Variants in CAMSAP1 observed in about 807,000 individuals in gnomAD.
CAMSAP1 encodes the protein calmodulin-regulated spectrin-associated protein 1.
A neutral mutation model predicts 143.5 loss-of-function variants in CAMSAP1; 58 were observed. The observed-to-expected ratio is 0.40, with a 90% confidence interval of 0.33 to 0.50. The LOEUF is 0.50. Among genes scored for constraint, CAMSAP1 ranks in the 20% least tolerant of loss-of-function variants. The pLI is 0.45. For synonymous variants in CAMSAP1, 945 were observed against 859.3 expected (o/e 1.10, Z -1.74); for missense variants, 1,969 against 2,115.7 (o/e 0.93, Z 1.36).
intron 7 of CAMSAP1, among the ~76,000 whole-genome samples, chr9:135,838,595 T>C (rs1204381829): frequency 7.5e-5 from 11 of 147,650 alleles, no homozygotes; most frequent in African/African-American, 2.3e-4. Context: ...ATCACGCACT[T>C]TCTACCCGTT....
intron 14 of CAMSAP1, among the ~76,000 whole-genome samples, chr9:135,817,151 G>C (rs36056648): frequency 2.0e-5 from 3 of 152,190 alleles, no homozygotes; most frequent in African/African-American, 7.2e-5. Context: ...AGACTACAGG[G>C]ACATGGCATT....
chr9:135,816,795 T>C (rs1835243795), intron 14 of CAMSAP1, among the ~76,000 whole-genome samples: 1 of 152,112 alleles, frequency 6.6e-6, no homozygotes, highest in Admixed American at 6.5e-5. Flanking sequence ...AGGGAAGCCC[T>C]TGCTCCCACG....
Position 135,822,192 on chromosome 9 carries a change from C to T in CAMSAP1, c.2469G>A (p.Gln823=), listed in dbSNP as rs375734345. 5 of 1,613,846 alleles carry T rather than the reference C, an allele frequency of 3.1e-6. No homozygotes were observed. Among genetic ancestry groups the T allele is most frequent in the Non-Finnish European group, 3.4e-6 (4 of 1,179,916 alleles). ...ACTTGGTCTCACAGCTGTTGAGTCT[C>T]TGGAGCTTCCTCTCCGCAAAGCTGG... is the stretch of plus-strand genomic sequence containing the variant. ...KMTSFAERKL[Q]RLNSCETKSS... is the part of the protein sequence containing the mutation. Residue 823 remains glutamine (Q), a synonymous_variant, in exon 11 of 17, where the codon CAG becomes CAA. Transcript: ENST00000389532. The surrounding 1 kb of genome is among the most constrained non-coding windows in gnomAD (Gnocchi z 6.1).
chr9:135,854,611 C>A (rs1483645420), intron 5 of CAMSAP1, among the ~76,000 whole-genome samples: 1 of 152,024 alleles, frequency 6.6e-6, no homozygotes. Flanking sequence ...TACAGGTGCA[C>A]ATCACCAGGC....
rs35820753 is a variant in CAMSAP1, at chr9:135,861,309, CTT to C, written c.808+1156_808+1157del. On this transcript the variant is annotated intron_variant, in intron 5 of 16. Coordinates refer to ENST00000389532, the MANE Select transcript of CAMSAP1 (RefSeq NM_015447.4). Reference sequence around the variant, plus strand: ...GGTACCTGAGGCTCTCTCCTTCTTCCTTTTTTTTTTTTTTTCCCCCCGAGACA... The same window carrying C: ...GGTACCTGAGGCTCTCTCCTTCTTCCTTTTTTTTTTTTTCCCCCCGAGACA... 1.9e-3 allele frequency among the ~76,000 whole-genome samples: 274 copies of C among 144,410 alleles called. 1 individual carries two copies. The highest frequency in any genetic ancestry group is 4.4e-3 in the African/African-American group (173 of 39,268). The allele number at this position is 144,410 out of a possible 152,430, so 94.7% of individuals were successfully genotyped here.
intron 11 of CAMSAP1, 47 bp from the exon 12 acceptor site, chr9:135,819,193 G>A (rs1314882541): frequency 4.5e-6 from 7 of 1,556,146 alleles, no homozygotes; most frequent in African/African-American, 4.1e-5. Flanking sequence ...CCCCTCAGAC[G>A]CCGGACACGG....
At chr9:135,877,435 T>C (rs1489896918) in intron 3 of CAMSAP1, among the ~76,000 whole-genome samples, 2 of 147,154 alleles carry the variant, frequency 1.4e-5, no homozygotes, top group African/African-American at 5.1e-5. Context: ...TGACTGCTTA[T>C]CAAAACTCAA....
rs1835499766 is a variant in CAMSAP1, at chr9:135,822,273, C to A, written c.2388G>T (p.Leu796=). Residue 796 remains leucine, a synonymous_variant, in exon 11 of 17, where the codon CTG becomes CTT. Transcript: ENST00000389532. The surrounding 1 kb of genome is among the most constrained non-coding windows in gnomAD (Gnocchi z 6.1). Reference sequence around the variant, plus strand: ...CACTGCTCATCTGAGAGGCTGTGCTCAGGCAGGGGCTCGAGCGGCCGCTGG... The same window carrying A: ...CACTGCTCATCTGAGAGGCTGTGCTAAGGCAGGGGCTCGAGCGGCCGCTGG... ...DDASGRSSPC[L]STASQMSSVS... 1.2e-6 allele frequency: 2 copies of A among 1,614,010 alleles called. No homozygotes were observed. Among genetic ancestry groups the A allele is most frequent in the East Asian group, 4.5e-5 (2 of 44,884 alleles).
chr9:135,818,420 A>G lies in CAMSAP1; in HGVS notation c.4156T>C (p.Cys1386Arg), dbSNP rs1564416375. 1.3e-6 allele frequency: 2 copies of G among 1,584,330 alleles called. No homozygotes were observed. The highest frequency in any genetic ancestry group is 1.7e-6 in the Non-Finnish European group (2 of 1,170,946). The stretch of plus-strand genomic sequence containing the variant: ...CGGGGCTGCTTACGGGTGGAGGAGC[A>G]CTTGGTGCCGGAGTCGCTGCACGAC... The part of the protein sequence containing the change: ...EESCSDSGTK[C>R]SSTPDNLSRT... Residue 1386 changes from cysteine to arginine, a missense_variant, in exon 13 of 17, where the codon TGC (cysteine) becomes CGC (arginine). Cys to Arg is a radical substitution (Grantham distance 180, BLOSUM62 -3). Around this residue, in one of 4 missense-constraint regions of CAMSAP1, gnomAD observed 1,390 missense variants for 1,420.8 expected, o/e 0.98. Transcript: ENST00000389532. The surrounding 1 kb of genome is among the most constrained non-coding windows in gnomAD (Gnocchi z 7.7).
intron 5 of CAMSAP1, among the ~76,000 whole-genome samples, chr9:135,853,602 C>T (rs1836852612): frequency 6.6e-6 from 1 of 152,188 alleles, no homozygotes; most frequent in South Asian, 2.1e-4. Context: ...AATAGAAAAG[C>T]CGATGGATTT....
At chr9:135,876,739 T>C (rs575109142) in intron 3 of CAMSAP1, among the ~76,000 whole-genome samples, 2 of 152,360 alleles carry the variant, frequency 1.3e-5, no homozygotes, top group Non-Finnish European at 2.9e-5. Flanking sequence ...CTGGGCACAG[T>C]AGCTGACACC....
At chr9:135,845,930 G>T (rs1836531616) in intron 7 of CAMSAP1, among the ~76,000 whole-genome samples, 1 of 152,156 alleles carries the variant, frequency 6.6e-6, no homozygotes, top group South Asian at 2.1e-4. Context: ...TTGTGAAAAT[G>T]GCCATACTTC....
At chr9:135,823,290 G>A (rs200713492) in intron 10 of CAMSAP1, 30 bp from the exon 11 acceptor site, 38 of 1,525,008 alleles carry the variant, frequency 2.5e-5, no homozygotes, top group East Asian at 4.5e-5. Context: ...CACTGGGTGC[G>A]CTGCGGTATA....
At chr9:135,848,444 A>G (rs1836654847) in intron 7 of CAMSAP1, among the ~76,000 whole-genome samples, 1 of 152,156 alleles carries the variant, frequency 6.6e-6, no homozygotes, top group Admixed American at 6.5e-5. Flanking sequence ...CCAGAAGAGA[A>G]AGTCACGGGT....
intron 4 of CAMSAP1, among the ~76,000 whole-genome samples, chr9:135,866,081 C>T (rs1837370220): frequency 1.3e-5 from 2 of 152,224 alleles, no homozygotes; most frequent in African/African-American, 4.8e-5. Context: ...CTACGCTGTA[C>T]CTCATGAGCC....
chr9:135,850,394 G>T lies in CAMSAP1; in HGVS notation c.876C>A (p.Phe292Leu). ...AACATTTATTAAGATATTCATTGGA[G>T]AATTCTCTCAGAAGCCGAATATTAT... ...SLYNIRLLRE[F>L]SNEYLNKCFY... Residue 292 changes from phenylalanine (F) to leucine (L), a missense_variant, in exon 6 of 17, where the codon TTC becomes TTA. Around this residue, in one of 4 missense-constraint regions of CAMSAP1, gnomAD observed 221 missense variants for 298.2 expected, o/e 0.74. Transcript: ENST00000389532. The T allele has an allele frequency of 6.2e-7, 1 of 1,612,074 alleles. No homozygotes were observed. Among genetic ancestry groups the T allele is most frequent in the Non-Finnish European group, 8.5e-7 (1 of 1,179,284 alleles).
intron 5 of CAMSAP1, among the ~76,000 whole-genome samples, chr9:135,860,597 CAAAAAAAAAA>C (rs35415924): frequency 1.1e-4 from 7 of 62,050 alleles, no homozygotes; most frequent in East Asian, 4.6e-4. Flanking sequence ...GACTCTGCCT[CAAAAAAAAAA>C]AAAAAAAAAA....
Position 135,811,166 on chromosome 9 carries a change from T to C in CAMSAP1, c.*143A>G. ...TTCTTCTGCTGTCTAGAAACCTCTT[T>C]GCAAAAGGTCTGTGACTTTGCACAC... On this transcript the variant is annotated 3_prime_UTR_variant, in exon 17 of 17. Transcript: ENST00000389532. The surrounding 1 kb of genome is among the most constrained non-coding windows in gnomAD (Gnocchi z 4.9). 2 of 961,754 alleles carry C rather than the reference T, an allele frequency of 2.1e-6. No homozygotes were observed. The highest frequency in any genetic ancestry group is 1.5e-6 in the Non-Finnish European group (1 of 654,688). The allele number at this position is 961,754 out of a possible 1,614,324, so 59.6% of individuals were successfully genotyped here.
intron 7 of CAMSAP1, chr9:135,836,827 CCA>C (rs1554791169): frequency 6.1e-6 from 6 of 983,572 alleles, no homozygotes; most frequent in Non-Finnish European, 7.2e-6. Context: ...AGACATGTCA[CCA>C]CACACTTCTA....
Sources: allele counts gnomAD v4.1 joint callset (sites outside exome capture counted in the v4.1 genomes callset), GRCh38; gene constraint gnomAD v4.1.1; regional missense constraint gnomAD v4.1.1; non-coding constraint Gnocchi (gnomAD v3.1); transcripts MANE v1.5; gene names NCBI Gene and HGNC (gene_info 2026-07-23, HGNC 2026-07-21).